SLC9A9: variants seen among roughly 807,000 people sequenced by gnomAD.
SLC9A9 encodes solute carrier family 9 member A9.
In SLC9A9, 62 loss-of-function variants were observed where a neutral mutation model predicts 77.8. The ratio of observed to expected loss-of-function variants is 0.80; its 90% CI spans 0.65 to 0.98. The LOEUF (loss-of-function observed/expected upper bound fraction) is 0.98, where lower values mean the gene tolerates loss of function less well. Ranked by LOEUF, SLC9A9 falls within the 50% of genes least tolerant of loss-of-function variation. The pLI, the probability that SLC9A9 is intolerant of heterozygous loss-of-function variation, is 0.00. For synonymous variants in SLC9A9, 320 were observed against 283.5 expected (o/e 1.13, Z -1.29); for missense variants, 775 against 774.9 (o/e 1.00, Z 0.00).
intron 4 of SLC9A9, among the ~76,000 whole-genome samples, chr3:143,746,818 A>T (rs1935207963): frequency 6.6e-6 from 1 of 152,216 alleles, no homozygotes; most frequent in South Asian, 2.1e-4. Context: ...ATTTGCTATC[A>T]GCTTTCCTCC....
chr3:143,697,987 G>C (rs182864426), intron 4 of SLC9A9: 94 of 152,186 alleles, frequency 6.2e-4, no homozygotes, highest in African/African-American at 2.1e-3. Flanking sequence ...TGTTATTGTT[G>C]GCACATTATT....
At chr3:143,613,395 C>G (rs2038051592) in intron 6 of SLC9A9, among the ~76,000 whole-genome samples, 1 of 152,216 alleles carries the variant, frequency 6.6e-6, no homozygotes, top group South Asian at 2.1e-4. Context: ...GTTTAAAGCT[C>G]TGGCAACCAG....
At chr3:143,656,747 C>T (rs920839016) in intron 5 of SLC9A9, among the ~76,000 whole-genome samples, 1 of 152,180 alleles carries the variant, frequency 6.6e-6, no homozygotes, top group African/African-American at 2.4e-5. Context: ...AGAGTGCTCT[C>T]TATGGTTTTC....
intron 9 of SLC9A9, among the ~76,000 whole-genome samples, chr3:143,496,276 G>A (rs143072431): frequency 7.2e-5 from 11 of 152,278 alleles, no homozygotes; most frequent in Admixed American, 1.3e-4. Context: ...AAAGGGAAAT[G>A]TTCCAGGGGC....
rs150331337 is a variant in SLC9A9 at position 143,804,009 on chromosome 3, C to A, written c.379-7106G>T. On this transcript the variant is annotated intron_variant, in intron 2 of 15. Transcript: ENST00000316549. ...CTCCTTATATTAACTCTACTCCCCC[C>A]TTATGTGGACCCCTCACAACACAAA... is the stretch of plus-strand genomic sequence containing the variant. 7.2e-5 allele frequency among the ~76,000 whole-genome samples: 11 copies of A among 152,284 alleles called. No individual in the cohort carries two copies. In the East Asian group the frequency reaches 1.7e-3, roughly 24 times the overall value.
intron 6 of SLC9A9, among the ~76,000 whole-genome samples, chr3:143,607,103 A>T (rs2037941644): frequency 1.3e-5 from 2 of 152,112 alleles, no homozygotes; most frequent in South Asian, 4.1e-4. Context: ...AATACAAAAA[A>T]ATATAAAATA....
intron 5 of SLC9A9, among the ~76,000 whole-genome samples, chr3:143,680,151 A>C (rs1446373187): frequency 6.6e-6 from 1 of 152,134 alleles, no homozygotes; most frequent in Non-Finnish European, 1.5e-5. Flanking sequence ...ATTTGAGAGA[A>C]TAAAAAAGAA....
intron 6 of SLC9A9, among the ~76,000 whole-genome samples, chr3:143,605,645 T>C (rs1403823105): frequency 6.6e-6 from 1 of 152,250 alleles, no homozygotes; most frequent in African/African-American, 2.4e-5. Context: ...CACACATTTG[T>C]AACTTAAGCT....
chr3:143,837,374 A>T (rs79121838), intron 1 of SLC9A9, among the ~76,000 whole-genome samples: 1 of 152,350 alleles, frequency 6.6e-6, no homozygotes, highest in Non-Finnish European at 1.5e-5. Context: ...AGAATTTAGG[A>T]GTCTAAAGCA....
At chr3:143,596,313 C>A (rs2037751542) in intron 6 of SLC9A9, among the ~76,000 whole-genome samples, 1 of 152,170 alleles carries the variant, frequency 6.6e-6, no homozygotes, top group Non-Finnish European at 1.5e-5. Context: ...TGTGCGTGCA[C>A]AAACACACAC....
At chr3:143,440,429 C>T (rs931949389) in intron 12 of SLC9A9, among the ~76,000 whole-genome samples, 5 of 152,150 alleles carry the variant, frequency 3.3e-5, no homozygotes, top group Admixed American at 2.0e-4. Context: ...GGAAGACTAA[C>T]GTGGTTCAAG....
intron 13 of SLC9A9, among the ~76,000 whole-genome samples, chr3:143,364,944 A>G (rs1341207250): frequency 1.3e-5 from 2 of 152,210 alleles, no homozygotes; most frequent in African/African-American, 2.4e-5. Context: ...GATGGGGTCT[A>G]CAGTGTTAAA....
At chr3:143,668,394 T>C (rs1301906916) in intron 5 of SLC9A9, among the ~76,000 whole-genome samples, 3 of 151,086 alleles carry the variant, frequency 2.0e-5, no homozygotes, top group Non-Finnish European at 4.4e-5. Context: ...GACGAGTTAA[T>C]GGGTGCAGCA....
chr3:143,696,767 G>T (rs1417891638), intron 4 of SLC9A9, among the ~76,000 whole-genome samples: 1 of 152,056 alleles, frequency 6.6e-6, no homozygotes, highest in Non-Finnish European at 1.5e-5. Context: ...ATATTGTACA[G>T]AAGCCATTAA....
At chr3:143,815,027 TA>T (rs1559810828) in intron 2 of SLC9A9, among the ~76,000 whole-genome samples, 1 of 150,288 alleles carries the variant, frequency 6.7e-6, no homozygotes, top group Non-Finnish European at 1.5e-5. Flanking sequence ...AGAGGGAGAA[TA>T]AAAGGACAAA....
chr3:143,289,641 C>T (rs1938481458), intron 14 of SLC9A9, among the ~76,000 whole-genome samples: 1 of 152,196 alleles, frequency 6.6e-6, no homozygotes, highest in South Asian at 2.1e-4. Context: ...GTCTACTCCA[C>T]CTGCCAAAGA....
chr3:143,530,670 C>CAAAA (rs772355653), intron 9 of SLC9A9, among the ~76,000 whole-genome samples: 82 of 141,942 alleles, frequency 5.8e-4, no homozygotes, highest in African/African-American at 1.7e-3. Flanking sequence ...AACAAACAAA[C>CAAAA]AAACAAAAAC....
intron 9 of SLC9A9, among the ~76,000 whole-genome samples, chr3:143,507,365 G>C (rs956356277): frequency 2.6e-5 from 4 of 151,892 alleles, no homozygotes; most frequent in African/African-American, 9.7e-5. Context: ...CCGCCACAGC[G>C]CCCGGCTAAT....
chr3:143,414,186 TTG>T (rs1169665079), intron 12 of SLC9A9, among the ~76,000 whole-genome samples: 1 of 152,226 alleles, frequency 6.6e-6, no homozygotes, highest in Admixed American at 6.5e-5. Context: ...ATACCTGCAT[TTG>T]TGTGTATATT....
Sources: allele counts gnomAD v4.1 joint callset (sites outside exome capture counted in the v4.1 genomes callset), GRCh38; gene constraint gnomAD v4.1.1; transcripts MANE v1.5; gene names NCBI Gene and HGNC (gene_info 2026-07-23, HGNC 2026-07-21).